The following BCL9 variants were observed in gnomAD, a reference collection of about 807,000 sequenced individuals.
BCL9 encodes BCL9 transcription coactivator, also known as B-cell CLL/lymphoma 9 protein.
Under a neutral mutation model 88.5 loss-of-function variants are expected in BCL9, and 25 were observed. The ratio of observed to expected loss-of-function variants is 0.28; its 90% CI spans 0.21 to 0.39. The LOEUF is 0.39. Ranked by LOEUF, BCL9 falls within the 10% of genes least tolerant of loss-of-function variation. BCL9 has a pLI of 1.00. For synonymous variants in BCL9, 711 were observed against 673.3 expected (o/e 1.06, Z -0.87); for missense variants, 1,817 against 1,877.8 (o/e 0.97, Z 0.60).
intron 1 of BCL9, among the ~76,000 whole-genome samples, chr1:147,554,393 T>A (rs587689381): frequency 1.3e-5 from 2 of 152,342 alleles, no homozygotes; most frequent in Admixed American, 6.5e-5. Flanking sequence ...TGACATTGTA[T>A]AAATTTATTT....
At chr1:147,556,565 C>A (rs1248327713) in intron 1 of BCL9, among the ~76,000 whole-genome samples, 1 of 152,096 alleles carries the variant, frequency 6.6e-6, no homozygotes, top group Non-Finnish European at 1.5e-5. Flanking sequence ...GTTCTCCCAC[C>A]TCAGCCTGAG....
At chr1:147,574,210 A>G (rs1656012033) in intron 1 of BCL9, among the ~76,000 whole-genome samples, 1 of 152,194 alleles carries the variant, frequency 6.6e-6, no homozygotes, top group Non-Finnish European at 1.5e-5. Flanking sequence ...TCTTATAAAT[A>G]TAACTGCAAG....
chr1:147,586,799 C>T (rs1332558910), intron 1 of BCL9, among the ~76,000 whole-genome samples: 1 of 152,124 alleles, frequency 6.6e-6, no homozygotes, highest in African/African-American at 2.4e-5. Flanking sequence ...CTTTAAGGCC[C>T]AGCTCAAATA....
At chr1:147,608,703 T>C (rs1657854183) in intron 3 of BCL9, among the ~76,000 whole-genome samples, 1 of 152,220 alleles carries the variant, frequency 6.6e-6, no homozygotes, top group Non-Finnish European at 1.5e-5. Flanking sequence ...AAGTGGCTTC[T>C]GGCATGATAA....
At chr1:147,560,606 T>A (rs1294133691) in intron 1 of BCL9, among the ~76,000 whole-genome samples, 1 of 141,628 alleles carries the variant, frequency 7.1e-6, no homozygotes, top group African/African-American at 2.6e-5. Context: ...AGACTTCATC[T>A]AAAAAAAAAA....
chr1:147,586,676 C>G (rs587690975), intron 1 of BCL9, among the ~76,000 whole-genome samples: 1 of 152,286 alleles, frequency 6.6e-6, no homozygotes, highest in South Asian at 2.1e-4. Context: ...CCACACACTG[C>G]TCTCGCAGGC....
chr1:147,611,014 T>G lies in BCL9; in HGVS notation c.-259-564T>G, dbSNP rs182309715. ...AATCAGGGGGCAGAACTGATTGTAT[T>G]TGATGTTGGTTCAATATTTGATTTC... On this transcript the variant is annotated intron_variant, in intron 3 of 9. Transcript: ENST00000234739. Among the ~76,000 whole-genome samples, 672 of 152,306 alleles carry G rather than the reference T, an allele frequency of 4.4e-3. 5 individuals are homozygous for G. Among genetic ancestry groups the G allele is most frequent in the African/African-American group, 0.015 (638 of 41,560 alleles).
intron 1 of BCL9, among the ~76,000 whole-genome samples, chr1:147,566,240 T>A (rs1655589110): frequency 6.6e-6 from 1 of 152,148 alleles, no homozygotes; most frequent in Non-Finnish European, 1.5e-5. Flanking sequence ...TTCTCCAATA[T>A]GCATTGTAGC....
intron 4 of BCL9, among the ~76,000 whole-genome samples, 155 bp downstream of exon 4, chr1:147,612,044 G>A (rs1173588460): frequency 6.6e-6 from 1 of 152,192 alleles, no homozygotes; most frequent in East Asian, 1.9e-4. Flanking sequence ...TAATATAACA[G>A]TAAGCAGGAT....
chr1:147,558,900 C>T (rs1446496215), intron 1 of BCL9, among the ~76,000 whole-genome samples: 1 of 152,148 alleles, frequency 6.6e-6, no homozygotes, highest in Non-Finnish European at 1.5e-5. Flanking sequence ...CCTGAGAGTG[C>T]ATTTGATTTT....
intron 9 of BCL9, among the ~76,000 whole-genome samples, chr1:147,623,260 TC>T (rs1352707527): frequency 1.4e-5 from 1 of 73,910 alleles, no homozygotes; most frequent in Non-Finnish European, 2.6e-5. Context: ...CGGTGGTAAT[TC>T]CAACAGAGAC....
In BCL9 at chr1:147,620,167, C is replaced by T; in HGVS notation, c.2012C>T (p.Pro671Leu). The change falls in exon 8 of 10, where the codon CCT (proline) becomes CTT (leucine). Residue 671 changes from proline (P) to leucine (L), a missense_variant. Pro to Leu is a moderately conservative substitution (Grantham distance 98). Transcript: ENST00000234739. The part of the protein sequence containing the change: ...MIPGSQRHME[P>L]GNNPIFPRIP... Reference sequence around the variant, plus strand: ...CCAGGCTCCCAGCGCCACATGGAGCCTGGGAATAACCCCATTTTCCCTCGA... The same window carrying T: ...CCAGGCTCCCAGCGCCACATGGAGCTTGGGAATAACCCCATTTTCCCTCGA... 1 of 1,614,158 alleles carries T rather than the reference C, an allele frequency of 6.2e-7. No individual in the cohort carries two copies. Among genetic ancestry groups the T allele is most frequent in the Non-Finnish European group, 8.5e-7 (1 of 1,180,006 alleles).
In BCL9 at chr1:147,624,391, G is replaced by T; in HGVS notation, c.3713G>T (p.Arg1238Leu). 6.2e-7 allele frequency: 1 copy of T among 1,614,140 alleles called. No homozygotes were observed. Among genetic ancestry groups the T allele is most frequent in the Non-Finnish European group, 8.5e-7 (1 of 1,180,016 alleles). The part of the protein sequence containing the change: ...ATGIPEFDLS[R>L]IIPSEKPSQT... ...GGAATACCTGAGTTTGATCTATCCC[G>T]CATTATTCCATCTGAGAAGCCCAGC... Residue 1238 changes from arginine (R) to leucine (L), a missense_variant, in exon 10 of 10, where the codon CGC (arginine) becomes CTC (leucine). Transcript: ENST00000234739. The surrounding 1 kb of genome is among the most constrained non-coding windows in gnomAD (Gnocchi z 4.4).
At chr1:147,544,640 A>G (rs1654475378) in intron 1 of BCL9, among the ~76,000 whole-genome samples, 1 of 152,118 alleles carries the variant, frequency 6.6e-6, no homozygotes, top group African/African-American at 2.4e-5. Flanking sequence ...AGACTCCACC[A>G]TTATCACTGT....
rs1553206364 is a variant in BCL9, at chr1:147,624,996, G to A, written c.*37G>A. 1 of 1,576,836 alleles carries A rather than the reference G, an allele frequency of 6.3e-7. No homozygotes were observed. On this transcript the variant is annotated 3_prime_UTR_variant, in exon 10 of 10. Transcript: ENST00000234739. This position sits in a 1 kb window ranked among gnomAD's most constrained non-coding sequence, Gnocchi z 4.4. Reference sequence around the variant, plus strand: ...GGGATGTGCCGATCCTTGTCAAGATGAGATTCCAGGTCCTGAGAGCTGCTT... The same window carrying A: ...GGGATGTGCCGATCCTTGTCAAGATAAGATTCCAGGTCCTGAGAGCTGCTT...
At chr1:147,576,850 C>T (rs587636162) in intron 1 of BCL9, among the ~76,000 whole-genome samples, 3 of 152,214 alleles carry the variant, frequency 2.0e-5, no homozygotes, top group South Asian at 2.1e-4. Flanking sequence ...AATGTAAAGA[C>T]GATACCTTTT....
At chr1:147,581,575 T>TTGC (rs1553198638) in intron 1 of BCL9, among the ~76,000 whole-genome samples, 2 of 152,168 alleles carry the variant, frequency 1.3e-5, no homozygotes, top group Admixed American at 1.3e-4. Flanking sequence ...GGAAGGTGGG[T>TTGC]TGCTGTAGGG....
At chr1:147,561,577 A>G (rs587648624) in intron 1 of BCL9, among the ~76,000 whole-genome samples, 55 of 152,274 alleles carry the variant, frequency 3.6e-4, no homozygotes, top group African/African-American at 1.3e-3. Context: ...CTATTTGTCT[A>G]TTTATTCATT....
chr1:147,592,261 A>G (rs782068731), intron 1 of BCL9, among the ~76,000 whole-genome samples: 1 of 152,184 alleles, frequency 6.6e-6, no homozygotes, highest in South Asian at 2.1e-4. Context: ...TTACTGGCAC[A>G]GATGACCTTG....
Sources: allele counts gnomAD v4.1 joint callset (sites outside exome capture counted in the v4.1 genomes callset), GRCh38; gene constraint gnomAD v4.1.1; non-coding constraint Gnocchi (gnomAD v3.1); transcripts MANE v1.5; gene names NCBI Gene and HGNC (gene_info 2026-07-23, HGNC 2026-07-21).